Variants in SAMD4A observed in about 807,000 individuals in gnomAD.
SAMD4A encodes protein Smaug homolog 1.
Under a neutral mutation model 81.3 loss-of-function variants are expected in SAMD4A, and 33 were observed. That is an observed-to-expected ratio of 0.41 (90% confidence interval 0.31 to 0.54). The LOEUF (loss-of-function observed/expected upper bound fraction) is 0.54, where lower values mean the gene tolerates loss of function less well. Ranked by LOEUF, SAMD4A falls within the 20% of genes least tolerant of loss-of-function variation. The probability of loss-of-function intolerance (pLI) is 0.37; values close to 1 mark genes in which losing one functional copy is unlikely to be tolerated. For missense variants in SAMD4A, 854 were observed against 951.1 expected (o/e 0.90, Z 1.34); for synonymous variants, 389 against 382.1 (o/e 1.02, Z -0.21).
At chr14:54,730,093 T>C (rs2037523571) in intron 3 of SAMD4A, among the ~76,000 whole-genome samples, 1 of 152,158 alleles carries the variant, frequency 6.6e-6, no homozygotes, top group Non-Finnish European at 1.5e-5. Context: ...TCTTAAAAGC[T>C]CAAATGTTTA....
intron 3 of SAMD4A, among the ~76,000 whole-genome samples, chr14:54,725,120 T>C (rs1003582564): frequency 6.6e-6 from 1 of 152,224 alleles, no homozygotes; most frequent in South Asian, 2.1e-4. Flanking sequence ...GCTTTGCATA[T>C]GAGGAACCCA....
intron 10 of SAMD4A, 41 bp downstream of exon 10, chr14:54,775,176 A>C: frequency 3.6e-4 from 583 of 1,603,450 alleles, no homozygotes; most frequent in Non-Finnish European, 4.6e-4. Flanking sequence ...GGCCAAGCTC[A>C]AGGCCCAAGG....
In SAMD4A at chr14:54,680,589, G is replaced by A. The variant is rs2036103491; in HGVS notation, c.197-21473G>A. Among the ~76,000 whole-genome samples the A allele has an allele frequency of 2.0e-5, 3 of 152,238 alleles. No individual in the cohort carries two copies. In the South Asian group the frequency reaches 6.2e-4, roughly 32 times the overall value. On this transcript the variant is annotated intron_variant, in intron 2 of 12. Transcript: ENST00000554335. ...ATCCTTTTCTGAGAAATTGAAAAGT[G>A]ACTATTAGTTGAAACAAGATCAAGA...
At chr14:54,611,875 T>TA (rs1179117861) in intron 2 of SAMD4A, among the ~76,000 whole-genome samples, 295 of 120,116 alleles carry the variant, frequency 2.5e-3, no homozygotes, top group African/African-American at 4.1e-3. Context: ...AGACTCTGTC[T>TA]AAAAAAAAAA....
At chr14:54,734,632 C>A (rs572816177) in intron 3 of SAMD4A, among the ~76,000 whole-genome samples, 1 of 152,186 alleles carries the variant, frequency 6.6e-6, no homozygotes, top group Admixed American at 6.5e-5. Flanking sequence ...ATCTCAATAG[C>A]CAGTGAAGTC....
chr14:54,779,889 G>T (rs1369988817), intron 11 of SAMD4A, among the ~76,000 whole-genome samples: 1 of 152,132 alleles, frequency 6.6e-6, no homozygotes, highest in Non-Finnish European at 1.5e-5. Flanking sequence ...AAACAAGTGT[G>T]GCGCCTGTGC....
intron 2 of SAMD4A, chr14:54,689,795 G>C (rs1454571130): frequency 2.0e-5 from 3 of 152,236 alleles, no homozygotes; most frequent in African/African-American, 7.2e-5. Flanking sequence ...GGCAAGAGGA[G>C]GGGGCTCTTA....
chr14:54,575,046 A>C (rs181694030), intron 2 of SAMD4A, among the ~76,000 whole-genome samples: 1 of 152,290 alleles, frequency 6.6e-6, no homozygotes, highest in East Asian at 1.9e-4. Flanking sequence ...GTAGCTTTCA[A>C]GTTTTACGGC....
At position 54,761,934 on chromosome 14, in the gene SAMD4A, C is replaced by T. The variant is rs554837204; in HGVS notation, c.1510+1440C>T. On this transcript the variant is annotated intron_variant, in intron 7 of 12. Transcript: ENST00000554335. ...TGACTGTATCTTCATTAGTCTGCAG[C>T]ACAGACCACTTTTAATAGCTACTCA... Among the ~76,000 whole-genome samples the T allele has an allele frequency of 5.9e-5, 9 of 152,258 alleles. No individual in the cohort carries two copies. In the South Asian group the frequency reaches 1.0e-3, roughly 18 times the overall value.
chr14:54,738,945 G>A (rs1360991432), intron 4 of SAMD4A, among the ~76,000 whole-genome samples: 1 of 152,098 alleles, frequency 6.6e-6, no homozygotes, highest in Non-Finnish European at 1.5e-5. Flanking sequence ...TCCTATAGAA[G>A]GGCCATTCAC....
intron 11 of SAMD4A, among the ~76,000 whole-genome samples, chr14:54,780,176 GC>G (rs1337031435): frequency 1.3e-5 from 2 of 152,148 alleles, no homozygotes. Context: ...AGGCTGCACA[GC>G]CTTCTGAAAA....
rs938643648 is a variant in SAMD4A at position 54,595,462 on chromosome 14, G to A, written c.196+27350G>A. On this transcript the variant is annotated intron_variant, in intron 2 of 12. Coordinates refer to ENST00000554335, the MANE Select transcript of SAMD4A (RefSeq NM_015589.6). ...AATATATAAAAAATATATACTGTAT[G>A]TATATATATGTTGAATAAATGATTA... Among the ~76,000 whole-genome samples, 5 of 148,696 alleles carry A rather than the reference G, an allele frequency of 3.4e-5. No homozygotes were observed. The Admixed American group carries it at 3.4e-4, about 10-fold the overall frequency.
rs376688554 is a variant in SAMD4A at position 54,776,456 on chromosome 14, A to C, written c.1960A>C (p.Ser654Arg). ...ANPGGSNSMP[S>R]RTHSSVQRTR... is the part of the protein sequence containing the mutation. The stretch of plus-strand genomic sequence containing the variant: ...CCCCGGGGGCAGCAATAGCATGCCA[A>C]GCCGCACCCACAGCTCAGTCCAGAG... Residue 654 changes from serine (S) to arginine (R), a missense_variant, in exon 11 of 13, where the codon AGC (serine) becomes CGC (arginine). Ser to Arg is a moderately radical substitution (Grantham distance 110, BLOSUM62 -1). This residue lies in a region of SAMD4A where 428 missense variants were observed against 471.2 expected (regional missense o/e 0.91). Coordinates refer to ENST00000554335, the MANE Select transcript of SAMD4A (RefSeq NM_015589.6). 1 of 1,595,306 alleles carries C rather than the reference A, an allele frequency of 6.3e-7. No homozygotes were observed. The highest frequency in any genetic ancestry group is 8.5e-7 in the Non-Finnish European group (1 of 1,171,896).
intron 4 of SAMD4A, among the ~76,000 whole-genome samples, chr14:54,738,242 T>C (rs2037749437): frequency 6.6e-6 from 1 of 152,206 alleles, no homozygotes. Flanking sequence ...GAATGATCAG[T>C]GTTGACATAG....
chr14:54,607,933 T>C (rs982931366), intron 2 of SAMD4A, among the ~76,000 whole-genome samples: 1 of 150,218 alleles, frequency 6.7e-6, no homozygotes, highest in Non-Finnish European at 1.5e-5. Flanking sequence ...GGAGAATCAC[T>C]TGAACCCGGG....
intron 2 of SAMD4A, among the ~76,000 whole-genome samples, chr14:54,592,868 G>A (rs865881391): frequency 3.9e-5 from 6 of 152,110 alleles, no homozygotes; most frequent in East Asian, 1.9e-4. Flanking sequence ...TTCCTTCTAG[G>A]CCGTCATCTT....
intron 9 of SAMD4A, among the ~76,000 whole-genome samples, chr14:54,771,239 C>T (rs1300590215): frequency 2.0e-5 from 3 of 152,174 alleles, no homozygotes; most frequent in Non-Finnish European, 4.4e-5. Flanking sequence ...ATTAAACAAA[C>T]ATTTATTTAG....
chr14:54,743,859 C>T (rs577443772), intron 4 of SAMD4A, among the ~76,000 whole-genome samples: 1 of 152,346 alleles, frequency 6.6e-6, no homozygotes, highest in Non-Finnish European at 1.5e-5. Flanking sequence ...AGTTGGGCTG[C>T]TTGTTCTGCT....
intron 2 of SAMD4A, among the ~76,000 whole-genome samples, chr14:54,598,163 C>T (rs745690964): frequency 9.2e-5 from 14 of 152,146 alleles, no homozygotes; most frequent in Non-Finnish European, 1.8e-4. Flanking sequence ...GACACAAACA[C>T]GGTTAACATG....
Sources: gnomAD v4.1 joint callset for allele counts (sites outside exome capture counted in the v4.1 genomes callset) on GRCh38, gnomAD v4.1.1 for gene constraint, gnomAD v4.1.1 regional missense constraint, MANE v1.5 for transcripts, NCBI Gene and HGNC (gene_info 2026-07-23, HGNC 2026-07-21) for gene names.